The following WDR27 variants were observed in gnomAD, a reference collection of about 807,000 sequenced individuals.
WDR27 encodes WD repeat domain 27.
WDR27 carries 100 observed loss-of-function variants against 114.4 expected under a neutral mutation model. The observed-to-expected ratio is 0.87, with a 90% CI of 0.74 to 1.03. The LOEUF (loss-of-function observed/expected upper bound fraction) is 1.03. Among genes scored for constraint, WDR27 ranks in the 50% least tolerant of loss-of-function variants. WDR27 has a pLI of 0.00. For synonymous variants in WDR27, 449 were observed against 423.1 expected, an observed-to-expected ratio of 1.06 and a Z score of -0.75; for missense variants, 1,129 against 1,092.9, an observed-to-expected ratio of 1.03 and a Z score of -0.47.
Position 169,649,265 on chromosome 6 carries a change from A to T in WDR27, c.1492T>A (p.Phe498Ile). ...GYASAPHVTM[F>I]SPKTNIKSEG... ...CTCTTGATGTTGGTCTTTGGTGAAAACATAGTTACACTGTGGAAAGAAAAC... is the reference window on the plus strand; with the variant it reads ...CTCTTGATGTTGGTCTTTGGTGAAATCATAGTTACACTGTGGAAAGAAAAC... The change falls in exon 15 of 26, where the codon TTT (phenylalanine) becomes ATT (isoleucine). Residue 498 changes from phenylalanine to isoleucine, a missense_variant. Coordinates refer to ENST00000448612, the MANE Select transcript of WDR27 (RefSeq NM_182552.5). 1 of 1,571,222 alleles carries T rather than the reference A, an allele frequency of 6.4e-7. No individual in the cohort carries two copies. The highest frequency in any genetic ancestry group is 8.6e-7 in the Non-Finnish European group (1 of 1,157,176).
At position 169,657,906 on chromosome 6, in the gene WDR27, C is replaced by T. The variant is rs971986607; in HGVS notation, c.1402+370G>A. On this transcript the variant is annotated intron_variant, in intron 13 of 25. Transcript: ENST00000448612. Reference sequence around the variant, plus strand: ...TCAAGTGTGCAGGAGTACAATCACACGCTCGGGATCTGCTTTCAAATTCCT... The same window carrying T: ...TCAAGTGTGCAGGAGTACAATCACATGCTCGGGATCTGCTTTCAAATTCCT... The T allele has an allele frequency of 1.7e-4, 33 of 192,100 alleles. 1 individual carries two copies. Among genetic ancestry groups the T allele is most frequent in the Admixed American group, 6.8e-4 (13 of 19,058 alleles). The allele number at this position is 192,100 out of a possible 1,614,324, so 11.9% of individuals were successfully genotyped here.
intron 25 of WDR27, among the ~76,000 whole-genome samples, chr6:169,480,394 T>C (rs562435918): frequency 6.6e-6 from 1 of 152,288 alleles, no homozygotes; most frequent in East Asian, 1.9e-4. Flanking sequence ...CAGCACCCGG[T>C]CCTGTCGACT....
At chr6:169,656,538 G>A (rs1462403638) in intron 13 of WDR27, among the ~76,000 whole-genome samples, 2 of 152,168 alleles carry the variant, frequency 1.3e-5, no homozygotes, top group African/African-American at 4.8e-5. Flanking sequence ...GAGGCGGCTT[G>A]TGGGGTCCAG....
intron 25 of WDR27, among the ~76,000 whole-genome samples, chr6:169,527,337 C>T (rs1358761533): frequency 1.3e-5 from 2 of 152,188 alleles, no homozygotes; most frequent in East Asian, 1.9e-4. Flanking sequence ...TGATATAACA[C>T]AAACCTTGAG....
At chr6:169,557,398 G>A (rs1799059026) in intron 25 of WDR27, among the ~76,000 whole-genome samples, 1 of 152,202 alleles carries the variant, frequency 6.6e-6, no homozygotes, top group Admixed American at 6.5e-5. Context: ...GACTGGGGAC[G>A]TGGGGAAGAC....
rs375907349 is a variant in WDR27, at chr6:169,647,756, C to G, written c.1657+17G>C. The G allele has an allele frequency of 2.4e-5, 38 of 1,559,652 alleles. No homozygotes were observed. Among genetic ancestry groups the G allele is most frequent in the Non-Finnish European group, 3.2e-5 (37 of 1,150,620 alleles). ...TTACAATGAAATGCTACCCAGCTCCCGCAGGACGTGGCGCACCTGAGTACT... is the reference window on the plus strand; with the variant it reads ...TTACAATGAAATGCTACCCAGCTCCGGCAGGACGTGGCGCACCTGAGTACT... On this transcript the variant is annotated intron_variant, in intron 16 of 25. Coordinates refer to ENST00000448612, the MANE Select transcript of WDR27 (RefSeq NM_182552.5).
intron 17 of WDR27, among the ~76,000 whole-genome samples, chr6:169,639,279 C>T (rs1002807301): frequency 2.6e-5 from 4 of 152,054 alleles, no homozygotes; most frequent in Non-Finnish European, 5.9e-5. Flanking sequence ...TGTGAGTGAA[C>T]GCCTCGGCCC....
intron 21 of WDR27, among the ~76,000 whole-genome samples, chr6:169,622,282 G>A (rs760379268): frequency 2.0e-5 from 3 of 152,018 alleles, no homozygotes; most frequent in Admixed American, 6.6e-5. Flanking sequence ...TGACCACCTC[G>A]GGCAAATGTC....
At chr6:169,690,229 T>C (rs898993491) in intron 1 of WDR27, among the ~76,000 whole-genome samples, 2 of 152,108 alleles carry the variant, frequency 1.3e-5, no homozygotes, top group African/African-American at 4.8e-5. Context: ...GCTGGTCATG[T>C]GGATTCAAAG....
At chr6:169,554,751 C>A (rs1039846058) in intron 25 of WDR27, among the ~76,000 whole-genome samples, 3 of 152,148 alleles carry the variant, frequency 2.0e-5, no homozygotes, top group Admixed American at 2.0e-4. Flanking sequence ...ACTTTCCCCA[C>A]GAGTGCATTA....
the WDR27 span, among the ~76,000 whole-genome samples, chr6:169,435,960 C>T: frequency 0.02 from 3,064 of 152,186 alleles, 64 homozygotes; most frequent in East Asian, 0.071. Flanking sequence ...TTCTCATACA[C>T]CAGTGAATTT....
intron 25 of WDR27, among the ~76,000 whole-genome samples, chr6:169,466,889 T>C (rs1785661218): frequency 6.6e-6 from 1 of 152,178 alleles, no homozygotes; most frequent in African/African-American, 2.4e-5. Context: ...CAAAGTCTCA[T>C]CTGAGACAAG....
At position 169,636,456 on chromosome 6, in the gene WDR27, T is replaced by C. The variant is rs372585963; in HGVS notation, c.1918A>G (p.Ile640Val). 20 of 1,613,784 alleles carry C rather than the reference T, an allele frequency of 1.2e-5. No individual in the cohort carries two copies. The African/African-American group carries it at 1.9e-4, about 15-fold the overall frequency. Residue 640 changes from isoleucine (I) to valine (V), a missense_variant, in exon 19 of 26, where the codon ATA becomes GTA. Transcript: ENST00000448612. ...KPIQSAQFYY[I>V]DAFILLSSGP... is the part of the protein sequence containing the mutation. ...GAAGATAACAATATAAAGGCATCTA[T>C]ATAATAGAACTGTGCAGACTGTATA...
intron 25 of WDR27, among the ~76,000 whole-genome samples, chr6:169,562,032 A>G (rs1799744148): frequency 6.6e-6 from 1 of 152,220 alleles, no homozygotes; most frequent in Non-Finnish European, 1.5e-5. Context: ...CAAACCTAAT[A>G]AAGTAGCTTT....
At chr6:169,655,886 A>G (rs9371161) in intron 13 of WDR27, among the ~76,000 whole-genome samples, 12,787 of 152,192 alleles carry the variant, frequency 0.084, 1,748 homozygotes, top group East Asian at 0.61. Flanking sequence ...ACGCCCAGCT[A>G]ATTTTTCTTG....
In WDR27 at chr6:169,646,522, G is replaced by A. The variant is rs1820779680; in HGVS notation, c.1657+1251C>T. The stretch of plus-strand genomic sequence containing the variant: ...AGCACTTTGGGAGGCTGAGGCAGGT[G>A]GATCACCGGACGTCAGGAGTTTTGA... On this transcript the variant is annotated intron_variant, in intron 16 of 25. Coordinates refer to ENST00000448612, the MANE Select transcript of WDR27 (RefSeq NM_182552.5). 2.6e-5 allele frequency among the ~76,000 whole-genome samples: 4 copies of A among 152,174 alleles called. No individual in the cohort carries two copies. The South Asian group carries it at 8.3e-4, about 32-fold the overall frequency.
rs201023042 is a variant in WDR27, at chr6:169,477,962, T to TA, written c.2646-20329dup. ...TATGCAATGGAACTTGACTTGGCAA[T>TA]AAAAAAAACTATTGATACATAAACA... is the stretch of plus-strand genomic sequence containing the variant. On this transcript the variant is annotated intron_variant, in intron 25 of 25. Coordinates refer to ENST00000448612, the MANE Select transcript of WDR27 (RefSeq NM_182552.5). 1.4e-3 allele frequency among the ~76,000 whole-genome samples: 206 copies of TA among 151,974 alleles called. 3 individuals carry two copies. The East Asian group carries it at 0.032, about 24-fold the overall frequency.
chr6:169,429,811 G>A, the WDR27 span, among the ~76,000 whole-genome samples: 6 of 152,178 alleles, frequency 3.9e-5, no homozygotes, highest in Non-Finnish European at 5.9e-5. Context: ...AGGTAACACC[G>A]ATGCTGCTGG....
At chr6:169,640,382 C>A (rs753790335) in intron 17 of WDR27, among the ~76,000 whole-genome samples, 33 of 152,182 alleles carry the variant, frequency 2.2e-4, no homozygotes, top group Non-Finnish European at 3.8e-4. Flanking sequence ...TGCAACAGGA[C>A]GCCAGGAAAC....
Sources: allele counts gnomAD v4.1 joint callset (sites outside exome capture counted in the v4.1 genomes callset), GRCh38; gene constraint gnomAD v4.1.1; transcripts MANE v1.5; gene names NCBI Gene and HGNC (gene_info 2026-07-23, HGNC 2026-07-21).